The following TTC39B variants were observed in gnomAD, a reference collection of about 807,000 sequenced individuals.
TTC39B encodes tetratricopeptide repeat protein 39B.
A neutral mutation model predicts 96.6 loss-of-function variants in TTC39B; 92 were observed. That is an observed-to-expected ratio of 0.95 (90% CI 0.80 to 1.13). The LOEUF (loss-of-function observed/expected upper bound fraction) is 1.13. Among genes scored for constraint, TTC39B ranks in the 50% most tolerant of loss-of-function variants. The pLI is 0.00. For missense variants in TTC39B, 955 were observed against 809.3 expected (o/e 1.18, Z -2.18); for synonymous variants, 367 against 299.4 (o/e 1.23, Z -2.33).
Position 15,244,859 on chromosome 9 carries a change from TA to T in TTC39B, c.276-18848del, listed in dbSNP as rs1281609780. ...TCTTTTCTTTTAAAATATCACCACC[TA>T]AAACAAAGAGTAACAAAGTTTTTCT... On this transcript the variant is annotated intron_variant, in intron 2 of 19. Transcript: ENST00000512701. Among the ~76,000 whole-genome samples, 8 of 152,316 alleles carry T rather than the reference TA, an allele frequency of 5.3e-5. No individual in the cohort carries two copies. The East Asian group carries it at 1.5e-3, about 29-fold the overall frequency.
chr9:15,293,562 A>T (rs571888), intron 1 of TTC39B, among the ~76,000 whole-genome samples: 77,252 of 150,908 alleles, frequency 0.51, 19,710 homozygotes, highest in East Asian at 0.66. Flanking sequence ...CCTAGGACCT[A>T]CTGAGCAAGA....
chr9:15,264,792 T>G (rs1289874828), intron 2 of TTC39B, among the ~76,000 whole-genome samples: 2 of 151,214 alleles, frequency 1.3e-5, no homozygotes, highest in African/African-American at 4.9e-5. Flanking sequence ...ACAATAAAAT[T>G]TATTTTAAAG....
exon 6 of TTC39B, chr9:15,210,151 A>G (rs866255190): frequency 6.2e-7 from 1 of 1,601,116 alleles, no homozygotes; most frequent in Middle Eastern, 1.7e-4. Flanking sequence ...ACAACTGTGT[A>G]TTTTTTCCTG....
rs568713234 is a variant in TTC39B at position 15,169,800 on chromosome 9, G to T, written c.*2219C>A. ...ACAAAAAAGATTTTTAAATGGAGATGAATTTCTTTTATATTTGTTTAGTAA... is the reference window on the plus strand; with the variant it reads ...ACAAAAAAGATTTTTAAATGGAGATTAATTTCTTTTATATTTGTTTAGTAA... On this transcript the variant is annotated 3_prime_UTR_variant, in exon 20 of 20. Transcript: ENST00000512701. 23 of 152,230 alleles carry T rather than the reference G, an allele frequency of 1.5e-4. No individual in the cohort carries two copies. The South Asian group carries it at 4.8e-3, about 32-fold the overall frequency. The allele number at this position is 152,230 out of a possible 1,614,324, so 9.4% of individuals were successfully genotyped here. A position where few individuals can be genotyped will look rare whatever the true frequency, so the allele number is the denominator to read the frequency against.
intron 3 of TTC39B, among the ~76,000 whole-genome samples, chr9:15,215,431 C>T (rs192419262): frequency 1.8e-4 from 27 of 150,898 alleles, no homozygotes; most frequent in Admixed American, 1.7e-3. Flanking sequence ...GTGGCACATG[C>T]CTGTAATCCC....
chr9:15,262,012 A>C (rs1271740835), intron 2 of TTC39B, among the ~76,000 whole-genome samples: 1 of 152,230 alleles, frequency 6.6e-6, no homozygotes, highest in Non-Finnish European at 1.5e-5. Flanking sequence ...ATATCATGCA[A>C]CAGGTCCTTA....
intron 2 of TTC39B, among the ~76,000 whole-genome samples, chr9:15,227,176 G>A (rs1476913423): frequency 1.3e-5 from 2 of 151,928 alleles, no homozygotes; most frequent in Non-Finnish European, 2.9e-5. Context: ...GTATCGTGGC[G>A]CATGCCTGTA....
intron 3 of TTC39B, 62 bp from the exon 4 acceptor site, chr9:15,214,311 A>C: frequency 8.8e-7 from 1 of 1,142,722 alleles, no homozygotes. Flanking sequence ...AGTTGTCCGA[A>C]GGGAGTGTGT....
At chr9:15,251,431 G>A (rs1307511185) in intron 2 of TTC39B, among the ~76,000 whole-genome samples, 2 of 149,114 alleles carry the variant, frequency 1.3e-5, no homozygotes, top group South Asian at 2.1e-4. Context: ...GCGTGGTGGC[G>A]CATGCCTGTA....
Position 15,214,247 on chromosome 9 carries a change from G to C in TTC39B, c.374C>G (p.Ser125Ter), listed in dbSNP as rs745834406. The stretch of plus-strand genomic sequence containing the variant: ...CTTGAGATCCACCTTGGTTGATGAT[G>C]AACTAAAGATCAAGAAAAAAGCACA... Residue 125 changes from serine (S) to a stop codon, truncating the protein, a stop_gained and splice_region_variant, in exon 4 of 20, where the codon TCA (serine) becomes TGA (stop). Transcript: ENST00000512701. LOFTEE classifies it high-confidence loss of function. 4.3e-6 allele frequency: 7 copies of C among 1,611,178 alleles called. No homozygotes were observed. The Admixed American group carries it at 1.2e-4, about 27-fold the overall frequency.
chr9:15,280,986 T>C (rs1823740166), intron 1 of TTC39B, among the ~76,000 whole-genome samples: 1 of 152,194 alleles, frequency 6.6e-6, no homozygotes, highest in Admixed American at 6.5e-5. Flanking sequence ...TCCCAAACAG[T>C]ATTGAGAAGA....
chr9:15,195,676 A>AG (rs1819123161), intron 8 of TTC39B, among the ~76,000 whole-genome samples: 2 of 151,284 alleles, frequency 1.3e-5, no homozygotes, highest in Admixed American at 1.3e-4. Flanking sequence ...TCTCCAAAAA[A>AG]AAAAAAAAAA....
chr9:15,244,540 A>G (rs896093613), intron 2 of TTC39B, among the ~76,000 whole-genome samples: 1 of 152,258 alleles, frequency 6.6e-6, no homozygotes, highest in African/African-American at 2.4e-5. Flanking sequence ...AAACTGAAAC[A>G]TCACATAAAT....
At chr9:15,189,436 T>C in intron 13 of TTC39B, 138 bp downstream of exon 13, 1 of 823,586 alleles carries the variant, frequency 1.2e-6, no homozygotes. Flanking sequence ...TTTGGCTTTT[T>C]ACTTATATAT....
chr9:15,187,512 T>G (rs942418742), intron 14 of TTC39B, among the ~76,000 whole-genome samples: 1 of 152,186 alleles, frequency 6.6e-6, no homozygotes, highest in Non-Finnish European at 1.5e-5. Flanking sequence ...CAGGCTGGAG[T>G]GCAGTGGTGT....
chr9:15,174,197 C>T (rs1025256171), intron 19 of TTC39B, among the ~76,000 whole-genome samples: 3 of 152,132 alleles, frequency 2.0e-5, no homozygotes, highest in African/African-American at 7.2e-5. Context: ...TTAGTATCTC[C>T]CTCTGGCTAA....
intron 7 of TTC39B, among the ~76,000 whole-genome samples, chr9:15,200,763 G>A (rs1200722422): frequency 6.6e-6 from 1 of 152,234 alleles, no homozygotes; most frequent in Admixed American, 6.5e-5. Flanking sequence ...CACTTTGGGA[G>A]GCCGAGGCGG....
intron 2 of TTC39B, among the ~76,000 whole-genome samples, chr9:15,258,833 G>C (rs1284653793): frequency 6.6e-6 from 1 of 152,134 alleles, no homozygotes; most frequent in Non-Finnish European, 1.5e-5. Context: ...GTGTTGCTAA[G>C]GAGCTTTCCT....
At chr9:15,232,796 T>C (rs1401236881) in intron 2 of TTC39B, among the ~76,000 whole-genome samples, 1 of 152,162 alleles carries the variant, frequency 6.6e-6, no homozygotes, top group Non-Finnish European at 1.5e-5. Flanking sequence ...CCCTCAAACC[T>C]TGGCTAACGG....
Sources: allele counts gnomAD v4.1 joint callset (sites outside exome capture counted in the v4.1 genomes callset), GRCh38; gene constraint gnomAD v4.1.1; transcripts MANE v1.5; gene names NCBI Gene and HGNC (gene_info 2026-07-23, HGNC 2026-07-21).